TRIM31: variants seen among roughly 807,000 people sequenced by gnomAD.
TRIM31 encodes tripartite motif containing 31.
Under a neutral mutation model 40.6 loss-of-function variants are expected in TRIM31, and 31 were observed. The ratio of observed to expected loss-of-function variants is 0.76; its 90% CI spans 0.57 to 1.03. The LOEUF is 1.03. Ranked by LOEUF, TRIM31 falls within the 50% of genes least tolerant of loss-of-function variation. The probability of loss-of-function intolerance (pLI) is 0.00; values close to 1 mark genes in which losing one functional copy is unlikely to be tolerated. For synonymous variants in TRIM31, 164 were observed against 193.9 expected (o/e 0.85, Z 1.28); for missense variants, 455 against 497.5 (o/e 0.91, Z 0.81).
At chr6:30,110,773 A>G (rs1769225642) in intron 3 of TRIM31, 95 bp from the exon 4 acceptor site, 1 of 1,225,530 alleles carries the variant, frequency 8.2e-7, no homozygotes, top group Non-Finnish European at 1.1e-6. Flanking sequence ...GTTTGTGTGG[A>G]ATTCCCAACC....
intron 5 of TRIM31, chr6:30,108,613 C>T: frequency 4.2e-6 from 1 of 239,454 alleles, no homozygotes; most frequent in Non-Finnish European, 7.8e-6. Flanking sequence ...GGATAGTGAG[C>T]TGGGAGTCAG....
chr6:30,111,030 C>CTTTTTTTTTTTTTTTTTTTT (rs9278578), intron 3 of TRIM31, among the ~76,000 whole-genome samples: 62 of 114,278 alleles, frequency 5.4e-4, no homozygotes, highest in South Asian at 2.8e-3. Context: ...TTCCTTCTGT[C>CTTTTTTTTTTTTTTTTTTTT]TTTTTTTTTT....
intron 4 of TRIM31, among the ~76,000 whole-genome samples, chr6:30,109,330 G>A (rs1013401794): frequency 7.1e-6 from 1 of 140,064 alleles, no homozygotes; most frequent in African/African-American, 2.5e-5. Flanking sequence ...CTGAACAAGG[G>A]AGCCTGCTAG....
chr6:30,105,379 A>G, intron 6 of TRIM31, 137 bp from the exon 7 acceptor site: 1 of 667,006 alleles, frequency 1.5e-6, no homozygotes, highest in Non-Finnish European at 2.6e-6. Context: ...TTCTTATTGG[A>G]CCAGGAAGGT....
intron 3 of TRIM31, among the ~76,000 whole-genome samples, chr6:30,111,030 C>CTTTTTTGTTTTTTTTTTTTTTTTTTTTT (rs1769255417): frequency 8.7e-6 from 1 of 114,310 alleles, no homozygotes; most frequent in Non-Finnish European, 1.8e-5. Flanking sequence ...TTCCTTCTGT[C>CTTTTTTGTTTTTTTTTTTTTTTTTTTTT]TTTTTTTTTT....
chr6:30,110,374 C>T (rs899123189), intron 4 of TRIM31, 74 bp downstream of exon 4: 1 of 1,428,594 alleles, frequency 7.0e-7, no homozygotes, highest in Non-Finnish European at 9.8e-7. Context: ...GGTATTCTGC[C>T]AGTGGTCCAT....
At position 30,110,578 on chromosome 6, in the gene TRIM31, C is replaced by A. The variant is rs775289562; in HGVS notation, c.614G>T (p.Trp205Leu). Residue 205 changes from tryptophan to leucine, a missense_variant, in exon 4 of 9, where the codon TGG becomes TTG. Physicochemically the swap from Trp to Leu is moderately conservative, Grantham distance 61. Coordinates refer to ENST00000376734, the MANE Select transcript of TRIM31 (RefSeq NM_007028.5). ...CGCTTCCGTTCCCTCATGACCCAGC[C>A]AGTAAATCCGTGATAGCAGGAAATT... Reference protein sequence around the residue: ...EKNFLLSRIYWLGHEGTEAGK... With the variant: ...EKNFLLSRIYLLGHEGTEAGK... 1.9e-6 allele frequency: 3 copies of A among 1,614,190 alleles called. No individual in the cohort carries two copies. The highest frequency in any genetic ancestry group is 1.7e-6 in the Non-Finnish European group (2 of 1,180,038).
At chr6:30,110,784 A>G (rs1278959463) in intron 3 of TRIM31, 106 bp from the exon 4 acceptor site, 2 of 1,094,310 alleles carry the variant, frequency 1.8e-6, no homozygotes, top group Non-Finnish European at 1.3e-6. Flanking sequence ...ATTCCCAACC[A>G]GAGCAATGTG....
intron 3 of TRIM31, among the ~76,000 whole-genome samples, chr6:30,110,892 T>C (rs1769235504): frequency 6.6e-6 from 1 of 152,238 alleles, no homozygotes; most frequent in African/African-American, 2.4e-5. Context: ...ATTTATGGTT[T>C]ACCACTTGCC....
At chr6:30,105,131 A>C in intron 7 of TRIM31, 37 bp downstream of exon 7, 1 of 1,584,256 alleles carries the variant, frequency 6.3e-7, no homozygotes, top group Non-Finnish European at 8.6e-7. Flanking sequence ...CACTTTCCCC[A>C]AATGGCAGAA....
chr6:30,111,371 C>T (rs1769295031), intron 3 of TRIM31: 1 of 458,688 alleles, frequency 2.2e-6, no homozygotes, highest in Non-Finnish European at 3.9e-6. Context: ...CCGTTGAGGG[C>T]GCAGCTCGGC....
intron 6 of TRIM31, chr6:30,107,823 G>T: frequency 2.1e-6 from 1 of 484,898 alleles, no homozygotes; most frequent in Non-Finnish European, 3.7e-6. Context: ...GCCCTCTATG[G>T]CTCTCGCAGG....
Position 30,104,173 on chromosome 6 carries a change from A to C in TRIM31, c.959-6T>G. 6.2e-7 allele frequency: 1 copy of C among 1,612,890 alleles called. No homozygotes were observed. The highest frequency in any genetic ancestry group is 8.5e-7 in the Non-Finnish European group (1 of 1,179,984). The stretch of plus-strand genomic sequence containing the variant: ...ATTTTTCTGTAACAAGCCCCCTAAA[A>C]ATTGGGGAGAGAAAACCTATTTGGT... On this transcript the variant is annotated splice_region_variant and splice_polypyrimidine_tract_variant and intron_variant, in intron 7 of 8. Transcript: ENST00000376734.
At position 30,103,611 on chromosome 6, in the gene TRIM31, G is replaced by T; in HGVS notation, c.1203C>A (p.Ser401=). Residue 401 remains serine (S), a synonymous_variant, in exon 9 of 9, where the codon TCC becomes TCA. Transcript: ENST00000376734. ...QDTKTFDVAL[S]EELHAALSEW... ...CACTCAGTGCCGCATGGAGCTCCTC[G>T]GACAGCGCAACGTCAAATGTCTTCG... The T allele has an allele frequency of 3.1e-6, 5 of 1,613,032 alleles. No individual in the cohort carries two copies. Among genetic ancestry groups the T allele is most frequent in the Middle Eastern group, 3.3e-4 (2 of 6,062 alleles).
At chr6:30,103,938 C>T (rs1203103855) in intron 8 of TRIM31, 149 bp from the exon 9 acceptor site, 3 of 1,403,766 alleles carry the variant, frequency 2.1e-6, no homozygotes, top group Non-Finnish European at 9.8e-7. Context: ...TCGGAGCGCC[C>T]TCTGTTTCCT....
intron 2 of TRIM31, 86 bp downstream of exon 2, chr6:30,112,303 A>G: frequency 2.0e-6 from 3 of 1,498,648 alleles, no homozygotes; most frequent in South Asian, 1.3e-5. Flanking sequence ...TGGGGTGCAA[A>G]CCCTCAGTGG....
At chr6:30,112,071 GTGAGGTACC>G (rs1299444059) in intron 2 of TRIM31, 1 of 549,976 alleles carries the variant, frequency 1.8e-6, no homozygotes, top group African/African-American at 1.9e-5. Flanking sequence ...CATTTGAAAG[GTGAGGTACC>G]TGAGGCTCAG....
At chr6:30,106,698 G>A (rs1019385571) in intron 6 of TRIM31, among the ~76,000 whole-genome samples, 3 of 152,188 alleles carry the variant, frequency 2.0e-5, no homozygotes, top group Non-Finnish European at 4.4e-5. Context: ...ATACAGAGTA[G>A]AGCACACCAG....
chr6:30,110,027 T>TAAAAAAA (rs9280894), intron 4 of TRIM31, among the ~76,000 whole-genome samples: 1 of 118,226 alleles, frequency 8.5e-6, no homozygotes, highest in African/African-American at 3.3e-5. Flanking sequence ...AGACTCAGTG[T>TAAAAAAA]AAAAAAAAAA....
Sources: gnomAD v4.1 joint callset for allele counts (sites outside exome capture counted in the v4.1 genomes callset) on GRCh38, gnomAD v4.1.1 for gene constraint, MANE v1.5 for transcripts, NCBI Gene and HGNC (gene_info 2026-07-23, HGNC 2026-07-21) for gene names.